Variants in RSRC1 observed in about 807,000 individuals in gnomAD.
The protein encoded by RSRC1 is serine/Arginine-related protein 53.
A neutral mutation model predicts 49.1 loss-of-function variants in RSRC1; 39 were observed. The observed-to-expected ratio is 0.79, with a 90% CI of 0.61 to 1.04. RSRC1 has a LOEUF of 1.04. Among genes scored for constraint, RSRC1 ranks in the 50% least tolerant of loss-of-function variants. The pLI is 0.00. For synonymous variants in RSRC1, 143 were observed against 130.8 expected (o/e 1.09, Z -0.63); for missense variants, 388 against 402.4 (o/e 0.96, Z 0.31).
intron 7 of RSRC1, among the ~76,000 whole-genome samples, chr3:158,462,847 T>C (rs573350049): frequency 1.3e-5 from 2 of 152,162 alleles, no homozygotes; most frequent in South Asian, 4.1e-4. Context: ...CAATATACAG[T>C]ACCTTTTTTC....
At chr3:158,179,371 T>C (rs570614937) in intron 3 of RSRC1, among the ~76,000 whole-genome samples, 197 of 152,332 alleles carry the variant, frequency 1.3e-3, no homozygotes, top group African/African-American at 4.5e-3. Flanking sequence ...CATAGTGCCC[T>C]CTTTTGGCAA....
intron 6 of RSRC1, among the ~76,000 whole-genome samples, chr3:158,445,702 C>G (rs542205383): frequency 6.6e-6 from 1 of 152,068 alleles, no homozygotes; most frequent in Admixed American, 6.6e-5. Context: ...TTTCCAAGTA[C>G]CAATTAAACA....
At chr3:158,459,170 A>G (rs148262570) in intron 6 of RSRC1, among the ~76,000 whole-genome samples, 7 of 152,298 alleles carry the variant, frequency 4.6e-5, no homozygotes, top group Non-Finnish European at 5.9e-5. Context: ...TTGAAGCTCA[A>G]TTACATAAAA....
At chr3:158,325,199 G>C (rs1271348738) in intron 5 of RSRC1, among the ~76,000 whole-genome samples, 1 of 152,170 alleles carries the variant, frequency 6.6e-6, no homozygotes, top group Non-Finnish European at 1.5e-5. Context: ...TTCGATGGTA[G>C]TTTCTTTTGC....
intron 6 of RSRC1, among the ~76,000 whole-genome samples, chr3:158,411,952 A>G (rs1734485082): frequency 6.6e-6 from 1 of 152,084 alleles, no homozygotes; most frequent in Admixed American, 6.6e-5. Context: ...GAGTTTCAGG[A>G]TATATATTTA....
chr3:158,361,817 C>CGA (rs1214840414), intron 6 of RSRC1, among the ~76,000 whole-genome samples: 4 of 152,118 alleles, frequency 2.6e-5, no homozygotes, highest in Non-Finnish European at 4.4e-5. Context: ...CTTCTTTCTT[C>CGA]CTTTTCCCCC....
intron 4 of RSRC1, among the ~76,000 whole-genome samples, chr3:158,245,193 T>C (rs941665060): frequency 3.3e-5 from 5 of 151,488 alleles, no homozygotes; most frequent in African/African-American, 1.2e-4. Context: ...ATTGCTTTAG[T>C]TGTGACCCAG....
chr3:158,280,626 T>C, intron 4 of RSRC1, among the ~76,000 whole-genome samples: 1 of 142,930 alleles, frequency 7.0e-6, no homozygotes, highest in African/African-American at 2.6e-5. Context: ...AGCTCAAGAA[T>C]GAAGTGATTC....
chr3:158,391,976 C>T (rs1316965073), intron 6 of RSRC1, among the ~76,000 whole-genome samples: 2 of 152,004 alleles, frequency 1.3e-5, no homozygotes, highest in African/African-American at 4.8e-5. Context: ...GAAAGAGGTG[C>T]TGCTGTCCTA....
intron 3 of RSRC1, among the ~76,000 whole-genome samples, chr3:158,163,653 A>T (rs778493294): frequency 1.3e-5 from 2 of 152,088 alleles, no homozygotes; most frequent in East Asian, 3.9e-4. Flanking sequence ...ATAGTAGGAC[A>T]TTTACACTCT....
chr3:158,254,178 G>A (rs1249601170), intron 4 of RSRC1, among the ~76,000 whole-genome samples: 2 of 152,128 alleles, frequency 1.3e-5, no homozygotes, highest in Non-Finnish European at 2.9e-5. Flanking sequence ...ATGGACATTT[G>A]GGTTGGTTCC....
intron 4 of RSRC1, among the ~76,000 whole-genome samples, chr3:158,248,770 G>T (rs1368644439): frequency 6.6e-6 from 1 of 151,998 alleles, no homozygotes; most frequent in African/African-American, 2.4e-5. Context: ...GCTAATTTTT[G>T]TATTTTTAGT....
chr3:158,131,985 A>G (rs1054524969), intron 3 of RSRC1: 10 of 222,682 alleles, frequency 4.5e-5, no homozygotes, highest in African/African-American at 2.0e-4. Flanking sequence ...ATTTTATTAT[A>G]TTTTATTTAT....
chr3:158,138,870 A>G (rs915041486), intron 3 of RSRC1, among the ~76,000 whole-genome samples: 1 of 152,190 alleles, frequency 6.6e-6, no homozygotes, highest in Non-Finnish European at 1.5e-5. Flanking sequence ...GTTTAAAAGT[A>G]GGTAAACTGT....
rs796835941 is a variant in RSRC1, at chr3:158,283,366, GAATGAACAAA to G, written c.495-14670_495-14661del. 2.6e-4 allele frequency among the ~76,000 whole-genome samples: 40 copies of G among 151,626 alleles called. 1 individual carries two copies. The highest frequency in any genetic ancestry group is 9.4e-4 in the African/African-American group (39 of 41,396). ...ACTTTAGAAAACATATAAACAATTA[GAATGAACAAA>G]AAAAGTACTCATAATCCCACTGTCA... On this transcript the variant is annotated intron_variant, in intron 4 of 9. Coordinates refer to ENST00000611884, the MANE Select transcript of RSRC1 (RefSeq NM_001271838.2).
intron 3 of RSRC1, among the ~76,000 whole-genome samples, chr3:158,146,411 G>T (rs1717121164): frequency 2.0e-5 from 3 of 152,144 alleles, no homozygotes; most frequent in Admixed American, 6.5e-5. Context: ...CATTGGTTCT[G>T]TTTATATGCT....
chr3:158,386,629 G>A (rs574210311), intron 6 of RSRC1, among the ~76,000 whole-genome samples: 252 of 152,048 alleles, frequency 1.7e-3, no homozygotes, highest in African/African-American at 5.1e-3. Flanking sequence ...TGTATTGGGG[G>A]GAAAAGGCAG....
At chr3:158,321,879 C>T (rs1728782411) in intron 5 of RSRC1, among the ~76,000 whole-genome samples, 1 of 152,002 alleles carries the variant, frequency 6.6e-6, no homozygotes, top group Non-Finnish European at 1.5e-5. Context: ...ACGAATATCA[C>T]ATTTATATAT....
chr3:158,225,331 A>T (rs531556500), intron 4 of RSRC1, among the ~76,000 whole-genome samples: 1 of 151,850 alleles, frequency 6.6e-6, no homozygotes, highest in African/African-American at 2.4e-5. Flanking sequence ...GAGATTTTGT[A>T]TCTCCCTACT....
Sources: allele counts gnomAD v4.1 joint callset (sites outside exome capture counted in the v4.1 genomes callset), GRCh38; gene constraint gnomAD v4.1.1; transcripts MANE v1.5; gene names NCBI Gene and HGNC (gene_info 2026-07-23, HGNC 2026-07-21).